Variants in TBCEL observed in about 807,000 individuals in gnomAD.
The protein encoded by TBCEL is tubulin folding cofactor E like.
A neutral mutation model predicts 44.2 loss-of-function variants in TBCEL; 15 were observed. That is an observed-to-expected ratio of 0.34 (90% CI 0.23 to 0.52). The LOEUF is 0.52. Ranked by LOEUF, TBCEL falls within the 20% of genes least tolerant of loss-of-function variation. TBCEL has a pLI of 0.95. For missense variants in TBCEL, 319 were observed against 506.3 expected, an observed-to-expected ratio of 0.63 and a Z score of 3.55; for synonymous variants, 171 against 185.4, an observed-to-expected ratio of 0.92 and a Z score of 0.63.
At chr11:121,070,751 T>C (rs1169795222) in intron 8 of TBCEL, among the ~76,000 whole-genome samples, 1 of 151,338 alleles carries the variant, frequency 6.6e-6, no homozygotes, top group Non-Finnish European at 1.5e-5. Flanking sequence ...ATACCTAATA[T>C]AAATGACAAG....
At chr11:121,027,106 A>G (rs1472153237) in intron 1 of TBCEL, among the ~76,000 whole-genome samples, 1 of 152,020 alleles carries the variant, frequency 6.6e-6, no homozygotes, top group Non-Finnish European at 1.5e-5. Context: ...CTACTTAGAG[A>G]CCAGTTTACT....
At chr11:121,056,569 C>T (rs1031078040) in intron 6 of TBCEL, among the ~76,000 whole-genome samples, 10 of 151,854 alleles carry the variant, frequency 6.6e-5, no homozygotes, top group Non-Finnish European at 1.5e-4. Context: ...AAACTGTCTT[C>T]CAAAGTGGCT....
intron 1 of TBCEL, among the ~76,000 whole-genome samples, chr11:121,033,447 A>G (rs2000527): frequency 0.21 from 32,676 of 152,068 alleles, 3,591 homozygotes; most frequent in East Asian, 0.33. Flanking sequence ...GATTGTATAC[A>G]TCGTAAATTA....
chr11:121,076,627 A>G (rs531303155), intron 8 of TBCEL, among the ~76,000 whole-genome samples: 21 of 152,090 alleles, frequency 1.4e-4, no homozygotes, highest in African/African-American at 4.6e-4. Context: ...TTCTTTTCCA[A>G]CCAGTATGAC....
At chr11:121,032,674 C>T (rs1248884084) in intron 1 of TBCEL, among the ~76,000 whole-genome samples, 1 of 152,070 alleles carries the variant, frequency 6.6e-6, no homozygotes, top group Non-Finnish European at 1.5e-5. Context: ...TTGGGGACCA[C>T]TTAAATAGTG....
At chr11:121,078,291 G>T (rs1224200670) in intron 8 of TBCEL, among the ~76,000 whole-genome samples, 1 of 151,930 alleles carries the variant, frequency 6.6e-6, no homozygotes, top group East Asian at 1.9e-4. Flanking sequence ...ATTATTTTTT[G>T]TGTACATATC....
intron 2 of TBCEL, among the ~76,000 whole-genome samples, chr11:121,041,631 C>G (rs1418560373): frequency 1.3e-5 from 2 of 152,042 alleles, no homozygotes; most frequent in Admixed American, 6.6e-5. Context: ...CTCCCACCCC[C>G]CAAAAACCTT....
chr11:121,039,954 G>A (rs1945301844), intron 2 of TBCEL, among the ~76,000 whole-genome samples: 1 of 152,134 alleles, frequency 6.6e-6, no homozygotes, highest in African/African-American at 2.4e-5. Context: ...ATAACTGAAG[G>A]TAATTTTAAA....
intron 3 of TBCEL, among the ~76,000 whole-genome samples, chr11:121,046,455 G>T (rs1210356816): frequency 6.6e-6 from 1 of 151,984 alleles, no homozygotes. Context: ...TTGTAATTGT[G>T]GGGGATTAAT....
At chr11:121,061,228 A>T (rs1225047885) in intron 8 of TBCEL, among the ~76,000 whole-genome samples, 1 of 152,004 alleles carries the variant, frequency 6.6e-6, no homozygotes, top group Non-Finnish European at 1.5e-5. Flanking sequence ...TAGGTAAAAA[A>T]TGCTATAGTA....
intron 2 of TBCEL, among the ~76,000 whole-genome samples, chr11:121,040,524 G>A (rs1945312289): frequency 6.6e-6 from 1 of 151,916 alleles, no homozygotes; most frequent in African/African-American, 2.4e-5. Context: ...TGGTTCTCAG[G>A]CTTGGATATG....
chr11:121,083,246 A>G (rs1946158195), intron 8 of TBCEL, among the ~76,000 whole-genome samples: 1 of 152,348 alleles, frequency 6.6e-6, no homozygotes, highest in Admixed American at 6.5e-5. Flanking sequence ...AGAGAAATGC[A>G]GATAGATTGA....
chr11:121,034,608 A>G (rs1945199055), intron 1 of TBCEL, among the ~76,000 whole-genome samples: 1 of 152,216 alleles, frequency 6.6e-6, no homozygotes, highest in African/African-American at 2.4e-5. Flanking sequence ...TGGGGTGTCA[A>G]TTATATGCAA....
At chr11:121,073,911 G>A (rs1022226978) in intron 8 of TBCEL, among the ~76,000 whole-genome samples, 2 of 151,802 alleles carry the variant, frequency 1.3e-5, no homozygotes, top group Non-Finnish European at 2.9e-5. Context: ...ACTTGGTTGG[G>A]AAATATTAAA....
rs146111786 is a variant in TBCEL at position 121,025,185 on chromosome 11, C to T, written c.-126+894C>T. ...GCTACAAAGAGCTTGTAGGCAACGC[C>T]TAGGGCTGTTGAGAGAAGTTGGTAA... On this transcript the variant is annotated intron_variant, in intron 1 of 8. Transcript: ENST00000683345. Among the ~76,000 whole-genome samples, 5 of 152,292 alleles carry T rather than the reference C, an allele frequency of 3.3e-5. No individual in the cohort carries two copies. The East Asian group carries it at 5.8e-4, about 18-fold the overall frequency.
At chr11:121,043,076 A>T (rs1033952607) in intron 2 of TBCEL, among the ~76,000 whole-genome samples, 3 of 152,162 alleles carry the variant, frequency 2.0e-5, no homozygotes, top group Admixed American at 1.3e-4. Context: ...TATAGTAGAG[A>T]CGTTAATACC....
intron 8 of TBCEL, among the ~76,000 whole-genome samples, chr11:121,075,834 A>G (rs1163496743): frequency 6.6e-6 from 1 of 151,982 alleles, no homozygotes; most frequent in African/African-American, 2.4e-5. Context: ...ATAGTCTACT[A>G]CACACCTAGC....
intron 2 of TBCEL, among the ~76,000 whole-genome samples, chr11:121,039,761 A>G (rs895183253): frequency 6.6e-6 from 1 of 152,216 alleles, no homozygotes; most frequent in Non-Finnish European, 1.5e-5. Context: ...CTAGAATGAA[A>G]TGTCATCTGA....
In TBCEL at chr11:121,034,066, T is replaced by C. The variant is rs1945189316; in HGVS notation, c.-125-2439T>C. Among the ~76,000 whole-genome samples, 2 of 152,160 alleles carry C rather than the reference T, an allele frequency of 1.3e-5. 1 individual carries two copies. The highest frequency in any genetic ancestry group is 1.3e-4 in the Admixed American group (2 of 15,260). ...ATTGTAAATAATACTACTGTGAACA[T>C]TGGTGTACAAATAAGTTTTGACTCC... On this transcript the variant is annotated intron_variant, in intron 1 of 8. Transcript: ENST00000683345.
Sources: allele counts gnomAD v4.1 joint callset (sites outside exome capture counted in the v4.1 genomes callset), GRCh38; gene constraint gnomAD v4.1.1; transcripts MANE v1.5; gene names NCBI Gene and HGNC (gene_info 2026-07-23, HGNC 2026-07-21).